Variants in GMDS observed in about 807,000 individuals in gnomAD.
GMDS encodes GDP-mannose 4,6-dehydratase, also known as GDP-mannose 4,6 dehydratase.
Under a neutral mutation model 49.9 loss-of-function variants are expected in GMDS, and 20 were observed. The observed-to-expected ratio is 0.40, with a 90% CI of 0.28 to 0.58. The LOEUF is 0.58. Among genes scored for constraint, GMDS ranks in the 20% least tolerant of loss-of-function variants. The probability of loss-of-function intolerance (pLI) is 0.42; values close to 1 mark genes in which losing one functional copy is unlikely to be tolerated. For missense variants in GMDS, 362 were observed against 481.4 expected (o/e 0.75, Z 2.32); for synonymous variants, 177 against 178.6 (o/e 0.99, Z 0.07).
At chr6:2,172,962 A>G (rs1275582183) in intron 1 of GMDS, among the ~76,000 whole-genome samples, 3 of 152,232 alleles carry the variant, frequency 2.0e-5, no homozygotes, top group Non-Finnish European at 4.4e-5. Context: ...ATTAGGCCAC[A>G]AAGAAAATTT....
intron 4 of GMDS, among the ~76,000 whole-genome samples, chr6:2,033,142 C>A (rs1769072178): frequency 6.6e-6 from 1 of 152,166 alleles, no homozygotes; most frequent in Non-Finnish European, 1.5e-5. Flanking sequence ...ATACTTCCTT[C>A]ATTTATAGTT....
intron 9 of GMDS, among the ~76,000 whole-genome samples, chr6:1,691,012 T>C (rs908874238): frequency 2.0e-5 from 3 of 152,204 alleles, no homozygotes; most frequent in Non-Finnish European, 2.9e-5. Flanking sequence ...TTACTGGGTA[T>C]ATACCCAAAG....
chr6:1,674,273 T>C (rs1057062647), intron 9 of GMDS, among the ~76,000 whole-genome samples: 18 of 152,322 alleles, frequency 1.2e-4, no homozygotes, highest in Middle Eastern at 3.4e-3. Context: ...TAGTGACGTA[T>C]GACGCTGAGC....
At chr6:1,947,884 T>A (rs1763157790) in intron 6 of GMDS, among the ~76,000 whole-genome samples, 1 of 152,260 alleles carries the variant, frequency 6.6e-6, no homozygotes, top group African/African-American at 2.4e-5. Context: ...TTAACTTTTT[T>A]AACTTGTTCA....
chr6:2,094,434 T>C lies in GMDS; in HGVS notation c.345+21337A>G, dbSNP rs116794321. On this transcript the variant is annotated intron_variant, in intron 4 of 10. Transcript: ENST00000380815. ...ATATCTGAGGAAAACACAGGCATTTTAATTGTCACTCAACAGCATGGCATG... is the reference window on the plus strand; with the variant it reads ...ATATCTGAGGAAAACACAGGCATTTCAATTGTCACTCAACAGCATGGCATG... Among the ~76,000 whole-genome samples the C allele has an allele frequency of 2.8e-3, 430 of 152,360 alleles. 1 individual carries two copies. The highest frequency in any genetic ancestry group is 0.01 in the African/African-American group (416 of 41,590).
At chr6:2,052,116 C>CAAAAAAAAAAAAAAAAAAAAAAAAAAAAA (rs1285013159) in intron 4 of GMDS, among the ~76,000 whole-genome samples, 14 of 43,590 alleles carry the variant, frequency 3.2e-4, no homozygotes, top group Admixed American at 7.6e-4. Context: ...GACTCTGTCT[C>CAAAAAAAAAAAAAAAAAAAAAAAAAAAAA]AAAAAAAAAA....
intron 4 of GMDS, among the ~76,000 whole-genome samples, chr6:2,067,413 T>C (rs1771676418): frequency 6.7e-6 from 1 of 148,726 alleles, no homozygotes; most frequent in Non-Finnish European, 1.5e-5. Context: ...ATAACTAAAA[T>C]CAGAGCAGAA....
intron 7 of GMDS, among the ~76,000 whole-genome samples, chr6:1,792,765 T>C (rs1769593346): frequency 6.6e-6 from 1 of 152,226 alleles, no homozygotes; most frequent in Admixed American, 6.5e-5. Flanking sequence ...TATTCCAATA[T>C]TGATAGAATG....
intron 4 of GMDS, among the ~76,000 whole-genome samples, chr6:1,974,567 G>C (rs1242622603): frequency 6.6e-6 from 1 of 152,168 alleles, no homozygotes. Flanking sequence ...TGATGTTTGA[G>C]ACAGGCAGGT....
intron 4 of GMDS, among the ~76,000 whole-genome samples, chr6:2,010,402 T>C (rs1254512385): frequency 3.4e-5 from 5 of 148,574 alleles, no homozygotes; most frequent in Admixed American, 3.3e-4. Context: ...GCTAGTGATA[T>C]AGCAAAAATG....
Position 1,737,913 on chromosome 6 carries a change from CCA to C in GMDS, c.890+4553_890+4554del, listed in dbSNP as rs373246182. On this transcript the variant is annotated intron_variant, in intron 8 of 10. Transcript: ENST00000380815. ...ACCCCACACACATACACACCACACACCACACACAGATACATACACACCACACA... is the reference window on the plus strand; with the variant it reads ...ACCCCACACACATACACACCACACACCACACAGATACATACACACCACACA... Among the ~76,000 whole-genome samples, 132 of 141,300 alleles carry C rather than the reference CCA, an allele frequency of 9.3e-4. 1 individual carries two copies. Among genetic ancestry groups the C allele is most frequent in the African/African-American group, 2.9e-3 (113 of 38,444 alleles). The allele number at this position is 141,300 out of a possible 152,430, so 92.7% of individuals were successfully genotyped here. A position where few individuals can be genotyped will look rare whatever the true frequency, so the allele number is the denominator to read the frequency against.
At chr6:2,239,317 T>A (rs1781506179) in intron 1 of GMDS, among the ~76,000 whole-genome samples, 1 of 135,924 alleles carries the variant, frequency 7.4e-6, no homozygotes, top group African/African-American at 3.0e-5. Flanking sequence ...GGCAACAGAG[T>A]AAGATCTGTC....
chr6:2,211,161 C>T (rs925503750), intron 1 of GMDS, among the ~76,000 whole-genome samples: 7 of 152,140 alleles, frequency 4.6e-5, no homozygotes, highest in East Asian at 3.9e-4. Context: ...AGTGTGAGAA[C>T]GGACTAACAC....
intron 4 of GMDS, among the ~76,000 whole-genome samples, chr6:2,024,759 A>G (rs535203251): frequency 6.6e-6 from 1 of 152,210 alleles, no homozygotes; most frequent in South Asian, 2.1e-4. Context: ...ACTCATCTTT[A>G]TATCAATAAC....
chr6:1,671,871 G>T (rs1163374517), intron 9 of GMDS, among the ~76,000 whole-genome samples: 2 of 152,168 alleles, frequency 1.3e-5, no homozygotes, highest in African/African-American at 4.8e-5. Context: ...CACCATGTTG[G>T]CCAGGATGGC....
intron 4 of GMDS, among the ~76,000 whole-genome samples, chr6:2,060,675 A>C (rs998308716): frequency 6.6e-6 from 1 of 152,206 alleles, no homozygotes; most frequent in African/African-American, 2.4e-5. Context: ...GAAAAGGATG[A>C]GGTATGAGCA....
chr6:1,998,095 T>C (rs931859848), intron 4 of GMDS, among the ~76,000 whole-genome samples: 17 of 151,930 alleles, frequency 1.1e-4, no homozygotes, highest in African/African-American at 4.1e-4. Context: ...TCGGGGAAGA[T>C]CAAATCTTGA....
chr6:1,717,927 T>A (rs191875337), intron 9 of GMDS, among the ~76,000 whole-genome samples: 1 of 152,176 alleles, frequency 6.6e-6, no homozygotes, highest in African/African-American at 2.4e-5. Flanking sequence ...AACTCAGTTT[T>A]TCTTGGATTG....
chr6:2,121,063 G>A (rs1023191626), intron 2 of GMDS, among the ~76,000 whole-genome samples: 1 of 152,128 alleles, frequency 6.6e-6, no homozygotes, highest in Non-Finnish European at 1.5e-5. Flanking sequence ...TTACAGAAAA[G>A]GCAACTAAGT....
Sources: allele counts gnomAD v4.1 joint callset (sites outside exome capture counted in the v4.1 genomes callset), GRCh38; gene constraint gnomAD v4.1.1; transcripts MANE v1.5; gene names NCBI Gene and HGNC (gene_info 2026-07-23, HGNC 2026-07-21).